The following TRPM6 variants were observed in gnomAD, a reference collection of about 807,000 sequenced individuals.
TRPM6 encodes channel kinase 2.
TRPM6 carries 111 observed loss-of-function variants against 247.6 expected under a neutral mutation model. The ratio of observed to expected loss-of-function variants is 0.45; its 90% CI spans 0.38 to 0.52. The LOEUF (loss-of-function observed/expected upper bound fraction) is 0.52, where lower values mean the gene tolerates loss of function less well. Ranked by LOEUF, TRPM6 falls within the 20% of genes least tolerant of loss-of-function variation. TRPM6 has a pLI of 0.00. For missense variants in TRPM6, 2,126 were observed against 2,421.5 expected (o/e 0.88, Z 2.56); for synonymous variants, 892 against 853.8 (o/e 1.04, Z -0.78).
At chr9:74,876,946 AT>A (rs1831208758) in intron 1 of TRPM6, among the ~76,000 whole-genome samples, 1 of 152,242 alleles carries the variant, frequency 6.6e-6, no homozygotes, top group African/African-American at 2.4e-5. Context: ...AAGGATCTAA[AT>A]AGTTCTCCAA....
Position 74,856,373 on chromosome 9 carries a change from G to A in TRPM6, c.114-808C>T, listed in dbSNP as rs147352703. Among the ~76,000 whole-genome samples the A allele has an allele frequency of 7.6e-3, 1,156 of 152,068 alleles. 6 individuals are homozygous for A. Among genetic ancestry groups the A allele is most frequent in the Non-Finnish European group, 0.013 (858 of 67,968 alleles). The stretch of plus-strand genomic sequence containing the variant: ...GAGGGTTGTTTGAGTCCAGGAGGTC[G>A]AGGCTTCAGTAAGCCAAGATCATGC... On this transcript the variant is annotated intron_variant, in intron 2 of 38. Transcript: ENST00000360774.
At chr9:74,881,845 TA>T (rs762323275) in intron 1 of TRPM6, among the ~76,000 whole-genome samples, 12 of 152,180 alleles carry the variant, frequency 7.9e-5, no homozygotes, top group Non-Finnish European at 1.8e-4. Context: ...GCTATTGGTA[TA>T]AAAAGACACA....
At chr9:74,734,095 C>T (rs374615489) in intron 36 of TRPM6, among the ~76,000 whole-genome samples, 1 of 152,128 alleles carries the variant, frequency 6.6e-6, no homozygotes, top group African/African-American at 2.4e-5. Flanking sequence ...TTTATCAAAA[C>T]AGGAATCAGC....
At chr9:74,733,193 C>T (rs1195862739) in intron 36 of TRPM6, among the ~76,000 whole-genome samples, 2 of 150,964 alleles carry the variant, frequency 1.3e-5, no homozygotes, top group African/African-American at 4.9e-5. Context: ...CAGAGCTTAA[C>T]TCTATCTCAA....
chr9:74,797,417 C>T (rs1168841183), intron 17 of TRPM6, among the ~76,000 whole-genome samples: 4 of 152,254 alleles, frequency 2.6e-5, no homozygotes, highest in Admixed American at 2.6e-4. Flanking sequence ...TCCATATAAC[C>T]TATGCACATC....
chr9:74,761,242 T>A (rs1826616780), intron 27 of TRPM6, among the ~76,000 whole-genome samples: 1 of 152,302 alleles, frequency 6.6e-6, no homozygotes. Flanking sequence ...CATATGACTC[T>A]GACATTCCGT....
intron 2 of TRPM6, among the ~76,000 whole-genome samples, chr9:74,856,827 A>G (rs1830542261): frequency 6.6e-6 from 1 of 152,174 alleles, no homozygotes; most frequent in African/African-American, 2.4e-5. Flanking sequence ...CAATTCTGAG[A>G]ATTTTACTAG....
At chr9:74,798,798 C>G (rs1247976298) in intron 17 of TRPM6, among the ~76,000 whole-genome samples, 1 of 152,176 alleles carries the variant, frequency 6.6e-6, no homozygotes, top group Non-Finnish European at 1.5e-5. Flanking sequence ...GCTAACTCAG[C>G]CTTTTTTATT....
chr9:74,745,213 C>T (rs1825995213), intron 31 of TRPM6, among the ~76,000 whole-genome samples: 1 of 152,148 alleles, frequency 6.6e-6, no homozygotes, highest in South Asian at 2.1e-4. Flanking sequence ...GTGTGAAATG[C>T]TTAAAGTGTA....
rs1024177954 is a variant in TRPM6, at chr9:74,761,818, A to G, written c.4673-10T>C. Reference sequence around the variant, plus strand: ...GAAGAGCCTGAAAGATCTGCAAGGAAATGGTCTACATGAGAAAGTTGACAA... The same window carrying G: ...GAAGAGCCTGAAAGATCTGCAAGGAGATGGTCTACATGAGAAAGTTGACAA... On this transcript the variant is annotated splice_polypyrimidine_tract_variant and intron_variant, in intron 26 of 38. Transcript: ENST00000360774. The G allele has an allele frequency of 3.8e-6, 6 of 1,599,082 alleles. No homozygotes were observed. The highest frequency in any genetic ancestry group is 1.7e-4 in the Middle Eastern group (1 of 6,050).
intron 1 of TRPM6, among the ~76,000 whole-genome samples, chr9:74,865,380 G>T (rs190853902): frequency 3.4e-4 from 52 of 152,150 alleles, no homozygotes; most frequent in Admixed American, 1.8e-3. Context: ...AGTCTCCTGG[G>T]GAATAAAACA....
chr9:74,813,248 G>A (rs993628901), intron 11 of TRPM6, among the ~76,000 whole-genome samples: 9 of 152,146 alleles, frequency 5.9e-5, no homozygotes, highest in Non-Finnish European at 1.5e-5. Flanking sequence ...AGGACAAGGA[G>A]GACAAGAGTG....
intron 3 of TRPM6, among the ~76,000 whole-genome samples, chr9:74,848,079 GC>G (rs1316341154): frequency 6.6e-6 from 1 of 152,172 alleles, no homozygotes; most frequent in Admixed American, 6.5e-5. Flanking sequence ...TGAAGGTACA[GC>G]AGTAAAACTG....
intron 37 of TRPM6, among the ~76,000 whole-genome samples, chr9:74,729,992 A>T (rs547885792): frequency 6.6e-6 from 1 of 152,228 alleles, no homozygotes; most frequent in African/African-American, 2.4e-5. Flanking sequence ...TACCAAATGC[A>T]TATAGCAGGA....
At chr9:74,810,757 C>T (rs1345352445) in intron 13 of TRPM6, 58 bp downstream of exon 13, 10 of 1,512,162 alleles carry the variant, frequency 6.6e-6, no homozygotes, top group Non-Finnish European at 9.2e-6. Flanking sequence ...AGTGACTCCT[C>T]CAACACAAAG....
chr9:74,783,118 T>C (rs542344952), intron 21 of TRPM6, among the ~76,000 whole-genome samples: 1 of 152,078 alleles, frequency 6.6e-6, no homozygotes, highest in Non-Finnish European at 1.5e-5. Context: ...TAAGCAGTAA[T>C]GAATTGTGAA....
chr9:74,738,086 T>C (rs891623941), intron 36 of TRPM6, among the ~76,000 whole-genome samples: 3 of 152,216 alleles, frequency 2.0e-5, no homozygotes, highest in African/African-American at 7.2e-5. Flanking sequence ...TATAAATGCA[T>C]GCCTAAATAT....
intron 9 of TRPM6, among the ~76,000 whole-genome samples, chr9:74,819,222 T>C (rs1829061058): frequency 6.6e-6 from 1 of 151,548 alleles, no homozygotes; most frequent in South Asian, 2.1e-4. Context: ...AGCATGAGAA[T>C]CACTTGAGCC....
Position 74,762,613 on chromosome 9 carries a change from C to T in TRPM6, c.4058G>A (p.Arg1353Gln), listed in dbSNP as rs781187855. 6.2e-6 allele frequency: 10 copies of T among 1,614,172 alleles called. No homozygotes were observed. The highest frequency in any genetic ancestry group is 6.8e-6 in the Non-Finnish European group (8 of 1,180,040). The change falls in exon 26 of 39, where the codon CGA becomes CAA. Residue 1353 changes from arginine (R) to glutamine (Q), a missense_variant. Physicochemically the swap from Arg to Gln is conservative, Grantham distance 43 (BLOSUM62 1). This residue lies in a region of TRPM6 where 717 missense variants were observed against 715.9 expected (regional missense o/e 1.00). Coordinates refer to ENST00000360774, the MANE Select transcript of TRPM6 (RefSeq NM_017662.5). ...QFLLVPSNLK[R>Q]VPFSAETVLP... ...GACAGTTTCTGCTGAAAAAGGAACT[C>T]GCTTTAGATTAGAGGGGACCAGAAG... is the stretch of plus-strand genomic sequence containing the variant.
Sources: allele counts gnomAD v4.1 joint callset (sites outside exome capture counted in the v4.1 genomes callset), GRCh38; gene constraint gnomAD v4.1.1; regional missense constraint gnomAD v4.1.1; transcripts MANE v1.5; gene names NCBI Gene and HGNC (gene_info 2026-07-23, HGNC 2026-07-21).